The following ZNF469 variants were observed in gnomAD, a reference collection of about 807,000 sequenced individuals.
The protein encoded by ZNF469 is zinc finger protein 469.
Under a neutral mutation model 1.0 loss-of-function variants are expected in ZNF469, and 1 was observed. The ratio of observed to expected loss-of-function variants is 1.00; its 90% CI spans 0.35 to 4.73. The LOEUF (loss-of-function observed/expected upper bound fraction) is 4.73. Ranked by LOEUF, ZNF469 falls within the 30% of genes most tolerant of loss-of-function variation. The pLI is 0.16. For synonymous variants in ZNF469, 2,703 were observed against 2,363.4 expected, an observed-to-expected ratio of 1.14 and a Z score of -4.17; for missense variants, 6,100 against 5,356.3, an observed-to-expected ratio of 1.14 and a Z score of -4.33.
the ZNF469 span, among the ~76,000 whole-genome samples, chr16:88,326,734 G>T: frequency 6.6e-6 from 1 of 152,168 alleles, no homozygotes; most frequent in Non-Finnish European, 1.5e-5. Flanking sequence ...GCACCTTAGA[G>T]ACCTTCCAGA....
chr16:88,149,480 G>C, the ZNF469 span, among the ~76,000 whole-genome samples: 2 of 152,234 alleles, frequency 1.3e-5, no homozygotes, highest in Non-Finnish European at 2.9e-5. Context: ...CCTGAGTGCA[G>C]AGATGGGCGC....
rs773580012 is a variant in ZNF469, at chr16:88,436,558, G to T, written c.9088G>T (p.Gly3030Cys). ...PPSLERERCDGGLPGNTHLLP... is the reference protein window; with the variant it reads ...PPSLERERCDCGLPGNTHLLP... ...CAGCCTGGAGAGAGAACGCTGTGAC[G>T]GTGGGCTTCCCGGGAACACCCACCT... is the stretch of plus-strand genomic sequence containing the variant. The change falls in exon 3 of 3, where the codon GGT (glycine) becomes TGT (cysteine). Residue 3030 changes from glycine (G) to cysteine (C), a missense_variant. By Grantham distance (159) the Gly-to-Cys change is radical. Coordinates refer to ENST00000565624, the MANE Select transcript of ZNF469 (RefSeq NM_001367624.2). 7.7e-6 allele frequency: 12 copies of T among 1,549,764 alleles called. No homozygotes were observed. The highest frequency in any genetic ancestry group is 1.0e-5 in the Non-Finnish European group (12 of 1,146,946).
the ZNF469 span, among the ~76,000 whole-genome samples, chr16:88,139,323 C>A: frequency 6.6e-6 from 1 of 152,108 alleles, no homozygotes; most frequent in African/African-American, 2.4e-5. Context: ...GATCTGAAAC[C>A]TTTTTGCCCC....
At chr16:88,105,733 A>G in the ZNF469 span, among the ~76,000 whole-genome samples, 2 of 152,238 alleles carry the variant, frequency 1.3e-5, no homozygotes, top group Non-Finnish European at 2.9e-5. Flanking sequence ...AAAGACTCAG[A>G]AGCCCTGGTG....
At chr16:88,244,393 GTGGATGGA>G in the ZNF469 span, among the ~76,000 whole-genome samples, 22,840 of 130,972 alleles carry the variant, frequency 0.17, 2,259 homozygotes, top group Non-Finnish European at 0.24. Context: ...GAATGCATGG[GTGGATGGA>G]TGGATGGATG....
the ZNF469 span, among the ~76,000 whole-genome samples, chr16:88,362,376 A>T: frequency 6.6e-6 from 1 of 152,222 alleles, no homozygotes; most frequent in Non-Finnish European, 1.5e-5. Flanking sequence ...CTGAATTTCT[A>T]TCTGAATTCC....
the ZNF469 span, among the ~76,000 whole-genome samples, chr16:88,255,684 A>C: frequency 6.6e-6 from 1 of 152,236 alleles, no homozygotes; most frequent in African/African-American, 2.4e-5. Context: ...CAACAGTCCG[A>C]GACAGGTTTA....
the ZNF469 span, among the ~76,000 whole-genome samples, chr16:88,256,402 T>C: frequency 6.6e-6 from 1 of 152,252 alleles, no homozygotes; most frequent in Non-Finnish European, 1.5e-5. Context: ...TGTTTAGTGC[T>C]GAATAATGCT....
the ZNF469 span, among the ~76,000 whole-genome samples, chr16:88,213,743 C>T: frequency 6.6e-6 from 1 of 152,164 alleles, no homozygotes; most frequent in African/African-American, 2.4e-5. Context: ...GCTCTTTTCC[C>T]AGTATTTCCA....
the ZNF469 span, among the ~76,000 whole-genome samples, chr16:88,193,311 G>A: frequency 1.3e-5 from 2 of 150,462 alleles, no homozygotes; most frequent in African/African-American, 2.4e-5. Flanking sequence ...GGTTGGTGGT[G>A]ATGGTGATGA....
intron 1 of ZNF469, among the ~76,000 whole-genome samples, chr16:88,383,711 G>A (rs1325616249): frequency 6.6e-6 from 1 of 151,538 alleles, no homozygotes; most frequent in African/African-American, 2.4e-5. Flanking sequence ...CCTCCTCCGG[G>A]CCGCCCGCCC....
the ZNF469 span, among the ~76,000 whole-genome samples, chr16:88,202,983 G>A: frequency 1.3e-5 from 2 of 152,188 alleles, no homozygotes; most frequent in Non-Finnish European, 2.9e-5. Context: ...AGTGCAGGCA[G>A]CCCCCACCGA....
At chr16:88,270,864 A>T in the ZNF469 span, among the ~76,000 whole-genome samples, 1 of 152,140 alleles carries the variant, frequency 6.6e-6, no homozygotes, top group Non-Finnish European at 1.5e-5. Flanking sequence ...TTGAGCCTCC[A>T]CCCATTTATT....
At chr16:88,151,846 C>T in the ZNF469 span, among the ~76,000 whole-genome samples, 13 of 152,206 alleles carry the variant, frequency 8.5e-5, no homozygotes, top group Middle Eastern at 3.2e-3. This position sits in a 1 kb window ranked among gnomAD's most constrained non-coding sequence, Gnocchi z 5.4. Context: ...TTAGTAAAGA[C>T]GTCCCCGCAT....
At chr16:88,384,395 A>T (rs1487328354) in intron 1 of ZNF469, among the ~76,000 whole-genome samples, 3 of 152,224 alleles carry the variant, frequency 2.0e-5, no homozygotes, top group African/African-American at 7.2e-5. Flanking sequence ...ATTCCTGAAA[A>T]TAAACAAAAT....
the ZNF469 span, among the ~76,000 whole-genome samples, chr16:88,174,989 G>C: frequency 2.0e-5 from 3 of 151,896 alleles, no homozygotes; most frequent in African/African-American, 7.3e-5. Flanking sequence ...GTAATTGTGA[G>C]GGCTGTCTGC....
the ZNF469 span, among the ~76,000 whole-genome samples, chr16:88,152,769 G>A: frequency 1.1e-4 from 17 of 152,270 alleles, no homozygotes; most frequent in African/African-American, 3.9e-4. This position sits in a 1 kb window ranked among gnomAD's most constrained non-coding sequence, Gnocchi z 4.2. Flanking sequence ...GGCGAGGGTC[G>A]GAAGGACTGC....
the ZNF469 span, among the ~76,000 whole-genome samples, chr16:88,125,641 C>G: frequency 6.6e-6 from 1 of 152,112 alleles, no homozygotes; most frequent in Non-Finnish European, 1.5e-5. Context: ...ACTATCAGGT[C>G]TAGCTCATAC....
the ZNF469 span, among the ~76,000 whole-genome samples, chr16:88,262,398 C>G: frequency 6.6e-6 from 1 of 152,304 alleles, no homozygotes; most frequent in East Asian, 1.9e-4. This position sits in a 1 kb window ranked among gnomAD's most constrained non-coding sequence, Gnocchi z 4.3. Context: ...CCATTTGGGG[C>G]AGTGGCTTCC....
Sources: allele counts gnomAD v4.1 joint callset (sites outside exome capture counted in the v4.1 genomes callset), GRCh38; gene constraint gnomAD v4.1.1; non-coding constraint Gnocchi (gnomAD v3.1); transcripts MANE v1.5; gene names NCBI Gene and HGNC (gene_info 2026-07-23, HGNC 2026-07-21).